Variants in AK9 observed in about 807,000 individuals in gnomAD.
AK9 encodes the protein adenylate kinase domain containing 1.
Under a neutral mutation model 239.6 loss-of-function variants are expected in AK9, and 191 were observed. That is an observed-to-expected ratio of 0.80 (90% confidence interval 0.71 to 0.90). The LOEUF is 0.90. Among genes scored for constraint, AK9 ranks in the 40% least tolerant of loss-of-function variants. The pLI is 0.00. For synonymous variants in AK9, 689 were observed against 721.0 expected (o/e 0.96, Z 0.71); for missense variants, 1,995 against 2,214.7 (o/e 0.90, Z 1.99).
At chr6:109,652,513 T>C (rs1799115606) in intron 8 of AK9, among the ~76,000 whole-genome samples, 1 of 152,214 alleles carries the variant, frequency 6.6e-6, no homozygotes, top group African/African-American at 2.4e-5. Context: ...ACACTTTTTA[T>C]AAGATCACTG....
chr6:109,551,963 G>A (rs148222284), intron 24 of AK9, among the ~76,000 whole-genome samples: 16 of 152,148 alleles, frequency 1.1e-4, no homozygotes, highest in African/African-American at 2.9e-4. Context: ...TTATAAGTGC[G>A]AACATGTGAT....
At chr6:109,507,576 A>G (rs1365036746) in intron 33 of AK9, among the ~76,000 whole-genome samples, 1 of 152,164 alleles carries the variant, frequency 6.6e-6, no homozygotes, top group African/African-American at 2.4e-5. Context: ...GAGGAAAAAA[A>G]AAGGCTGGTT....
chr6:109,506,722 G>C lies in AK9; in HGVS notation c.4560C>G (p.Ile1520Met), dbSNP rs1778159103. Residue 1520 changes from isoleucine (I) to methionine (M), a missense_variant, in exon 34 of 41, where the codon ATC becomes ATG. By Grantham distance (10) the Ile-to-Met change is conservative. This residue lies in a region of AK9 where 391 missense variants were observed against 456.0 expected (regional missense o/e 0.86). Transcript: ENST00000424296. ...LEARSIIPMV[I>M]FELSVPSKEI... is the part of the protein sequence containing the mutation. Reference sequence around the variant, plus strand: ...CCTTGGAAGGCACACTCAATTCAAAGATGACCATGGGAATGATTGACCTAG... The same window carrying C: ...CCTTGGAAGGCACACTCAATTCAAACATGACCATGGGAATGATTGACCTAG... The C allele has an allele frequency of 6.5e-7, 1 of 1,538,198 alleles. No individual in the cohort carries two copies. Among genetic ancestry groups the C allele is most frequent in the East Asian group, 2.5e-5 (1 of 40,548 alleles).
chr6:109,651,705 C>G (rs1034631711), intron 8 of AK9, among the ~76,000 whole-genome samples: 1 of 151,926 alleles, frequency 6.6e-6, no homozygotes, highest in Non-Finnish European at 1.5e-5. Flanking sequence ...AGAGAAAAAT[C>G]AAATAGATGC....
At chr6:109,574,071 A>G (rs1341219018) in intron 20 of AK9, among the ~76,000 whole-genome samples, 1 of 152,168 alleles carries the variant, frequency 6.6e-6, no homozygotes, top group Non-Finnish European at 1.5e-5. Flanking sequence ...CTTTTAGAAA[A>G]TTTAAAGTTC....
intron 38 of AK9, 54 bp downstream of exon 38, chr6:109,497,411 C>T (rs989080968): frequency 6.4e-6 from 7 of 1,098,748 alleles, no homozygotes; most frequent in East Asian, 2.5e-5. Context: ...CCGTTCCCAG[C>T]ATGTTGCATG....
Position 109,563,592 on chromosome 6 carries a change from C to A in AK9, c.2751+5G>T, listed in dbSNP as rs536011474. 7 of 1,549,554 alleles carry A rather than the reference C, an allele frequency of 4.5e-6. No individual in the cohort carries two copies. In the South Asian group the frequency reaches 8.4e-5, roughly 19 times the overall value. ...TGAGAATGAGTAGAAATAAAAGAAT[C>A]ATGCCTCTTCCTCTTCCTCTTCCTC... On this transcript the variant is annotated splice_donor_5th_base_variant and intron_variant, in intron 24 of 40. Transcript: ENST00000424296.
chr6:109,665,922 C>T (rs1278063070), intron 5 of AK9, among the ~76,000 whole-genome samples: 3 of 152,212 alleles, frequency 2.0e-5, no homozygotes, highest in Non-Finnish European at 4.4e-5. Context: ...ACTGCCACTG[C>T]CACTGCCTGG....
chr6:109,636,654 CT>C (rs1223464457), intron 10 of AK9, among the ~76,000 whole-genome samples: 3 of 149,502 alleles, frequency 2.0e-5, no homozygotes, highest in African/African-American at 7.4e-5. Context: ...TATGTTTGCC[CT>C]TTTGTATCTG....
chr6:109,542,243 T>C, intron 26 of AK9, 72 bp from the exon 27 acceptor site: 2 of 1,403,564 alleles, frequency 1.4e-6, no homozygotes, highest in South Asian at 1.4e-5. Flanking sequence ...CTCACTCATA[T>C]GTGAAAGTTA....
chr6:109,493,633 G>A, intron 40 of AK9, 62 bp from the exon 41 acceptor site: 1 of 1,421,680 alleles, frequency 7.0e-7, no homozygotes, highest in Middle Eastern at 1.8e-4. Flanking sequence ...TTAAATGAAA[G>A]AGACCTGGAT....
chr6:109,654,731 C>A (rs561532866), intron 8 of AK9, among the ~76,000 whole-genome samples: 1 of 152,328 alleles, frequency 6.6e-6, no homozygotes, highest in Non-Finnish European at 1.5e-5. Context: ...GATACCTGCA[C>A]CAGGAGTTGA....
chr6:109,515,777 G>T, intron 31 of AK9, 80 bp downstream of exon 31: 1 of 1,284,442 alleles, frequency 7.8e-7, no homozygotes, highest in Non-Finnish European at 1.1e-6. Flanking sequence ...AAATTATCCA[G>T]TCTTTTTCCT....
chr6:109,506,865 C>T, intron 33 of AK9, 65 bp from the exon 34 acceptor site: 1 of 1,439,272 alleles, frequency 6.9e-7, no homozygotes, highest in Non-Finnish European at 9.1e-7. Context: ...TCCTTTCTGT[C>T]TTCCAGAACC....
At chr6:109,615,054 G>A (rs1488818941) in intron 13 of AK9, among the ~76,000 whole-genome samples, 3 of 152,150 alleles carry the variant, frequency 2.0e-5, no homozygotes, top group Non-Finnish European at 2.9e-5. Context: ...ATGATTTAAT[G>A]TTATAATTTA....
chr6:109,578,241 G>C (rs2128204711), intron 20 of AK9, among the ~76,000 whole-genome samples: 1 of 151,346 alleles, frequency 6.6e-6, no homozygotes, highest in East Asian at 2.0e-4. Context: ...GCTAATTTTT[G>C]TATTTTTAGT....
chr6:109,571,039 T>A (rs1787352232), intron 21 of AK9, among the ~76,000 whole-genome samples: 2 of 152,170 alleles, frequency 1.3e-5, no homozygotes, highest in South Asian at 4.1e-4. Flanking sequence ...TGACAATGAT[T>A]TAATAGCCTC....
At chr6:109,521,719 A>G (rs924292652) in intron 29 of AK9, among the ~76,000 whole-genome samples, 2 of 152,100 alleles carry the variant, frequency 1.3e-5, no homozygotes, top group Non-Finnish European at 2.9e-5. Flanking sequence ...AATACAAGGA[A>G]TGCAATTCTG....
chr6:109,612,175 C>A, intron 15 of AK9, 82 bp from the exon 16 acceptor site: 2 of 887,536 alleles, frequency 2.3e-6, no homozygotes, highest in South Asian at 3.5e-5. Flanking sequence ...GTAATATAAG[C>A]CTAGGGAACC....
Sources: gnomAD v4.1 joint callset for allele counts (sites outside exome capture counted in the v4.1 genomes callset) on GRCh38, gnomAD v4.1.1 for gene constraint, gnomAD v4.1.1 regional missense constraint, MANE v1.5 for transcripts, NCBI Gene and HGNC (gene_info 2026-07-23, HGNC 2026-07-21) for gene names.